KSR2: variants seen among roughly 807,000 people sequenced by gnomAD.
KSR2 encodes kinase suppressor of ras 2.
Under a neutral mutation model 107.8 loss-of-function variants are expected in KSR2, and 25 were observed. The ratio of observed to expected loss-of-function variants is 0.23; its 90% CI spans 0.17 to 0.32. The LOEUF is 0.32. KSR2 is among the 10% of genes least tolerant of loss of function. The pLI is 1.00. For synonymous variants in KSR2, 480 were observed against 507.0 expected (o/e 0.95, Z 0.71); for missense variants, 887 against 1,268.9 (o/e 0.70, Z 4.57).
chr12:117,922,771 G>T (rs1237221554), intron 1 of KSR2, among the ~76,000 whole-genome samples: 1 of 152,178 alleles, frequency 6.6e-6, no homozygotes, highest in Non-Finnish European at 1.5e-5. Context: ...GCAAGATCTT[G>T]CCCCTCATGG....
At chr12:117,553,540 T>A (rs1016572176) in intron 9 of KSR2, among the ~76,000 whole-genome samples, 1 of 152,204 alleles carries the variant, frequency 6.6e-6, no homozygotes, top group Non-Finnish European at 1.5e-5. Context: ...TCAGCTATCA[T>A]GATGTTCCTC....
intron 5 of KSR2, among the ~76,000 whole-genome samples, chr12:117,586,907 G>A (rs576351389): frequency 6.6e-6 from 1 of 152,210 alleles, no homozygotes; most frequent in African/African-American, 2.4e-5. Flanking sequence ...ATTAATGGAA[G>A]TGAATTTCAT....
intron 7 of KSR2, among the ~76,000 whole-genome samples, chr12:117,559,772 C>T (rs1428084892): frequency 6.6e-6 from 1 of 152,216 alleles, no homozygotes; most frequent in Non-Finnish European, 1.5e-5. Flanking sequence ...TCACAAATTA[C>T]TGCAGCCTGG....
chr12:117,616,161 G>GAAA (rs10632275), intron 5 of KSR2, among the ~76,000 whole-genome samples: 57 of 114,172 alleles, frequency 5.0e-4, no homozygotes, highest in East Asian at 1.4e-3. Flanking sequence ...ACCCTGTCTC[G>GAAA]AAAAAAAAAA....
rs566602177 is a variant in KSR2, at chr12:117,622,850, G to T, written c.1172-40491C>A. 2.6e-5 allele frequency among the ~76,000 whole-genome samples: 4 copies of T among 152,326 alleles called. No homozygotes were observed. In the East Asian group the frequency reaches 7.7e-4, roughly 29 times the overall value. Reference sequence around the variant, plus strand: ...TTATGTTCCATATATGGTGCTGAATGCAAGAAATATAAGAAGAAAGCATGA... The same window carrying T: ...TTATGTTCCATATATGGTGCTGAATTCAAGAAATATAAGAAGAAAGCATGA... On this transcript the variant is annotated intron_variant, in intron 5 of 19. Transcript: ENST00000339824.
At chr12:117,818,378 C>T (rs1026730443) in intron 3 of KSR2, among the ~76,000 whole-genome samples, 6 of 152,070 alleles carry the variant, frequency 3.9e-5, no homozygotes, top group African/African-American at 1.2e-4. Flanking sequence ...ACGTTGTGTG[C>T]CCTAGGGCAC....
At chr12:117,803,777 G>A (rs1014969906) in intron 3 of KSR2, among the ~76,000 whole-genome samples, 31 of 152,056 alleles carry the variant, frequency 2.0e-4, no homozygotes, top group African/African-American at 6.8e-4. Context: ...CTGTCTTTCC[G>A]GCCATGCATT....
chr12:117,554,911 C>A (rs567689312), intron 9 of KSR2, among the ~76,000 whole-genome samples: 1 of 152,172 alleles, frequency 6.6e-6, no homozygotes, highest in Admixed American at 6.5e-5. Context: ...TCCTCCCATC[C>A]GTTGTGCCTT....
chr12:117,900,053 G>A (rs1894635619), intron 1 of KSR2, among the ~76,000 whole-genome samples: 1 of 152,240 alleles, frequency 6.6e-6, no homozygotes, highest in Admixed American at 6.5e-5. Flanking sequence ...CACTTTGACT[G>A]TATCCTTGTG....
chr12:117,561,908 C>CT (rs1228591901), intron 7 of KSR2, among the ~76,000 whole-genome samples: 1 of 152,234 alleles, frequency 6.6e-6, no homozygotes, highest in Non-Finnish European at 1.5e-5. Flanking sequence ...TCATTCAACA[C>CT]TGAGTTTGGC....
chr12:117,877,955 C>T (rs1043354232), intron 1 of KSR2, among the ~76,000 whole-genome samples: 2 of 152,162 alleles, frequency 1.3e-5, no homozygotes, highest in Non-Finnish European at 2.9e-5. Flanking sequence ...CTTTGCCGCC[C>T]GGCCCTATGA....
chr12:117,529,903 C>T (rs1032193521), intron 12 of KSR2, among the ~76,000 whole-genome samples: 2 of 151,842 alleles, frequency 1.3e-5, no homozygotes, highest in Non-Finnish European at 2.9e-5. Context: ...CACCTGTAAT[C>T]CCAGCTACTC....
chr12:117,490,513 T>C (rs1451309387), intron 14 of KSR2, among the ~76,000 whole-genome samples: 1 of 152,218 alleles, frequency 6.6e-6, no homozygotes, highest in Non-Finnish European at 1.5e-5. Context: ...TGACAGATCA[T>C]AGTTTCATTG....
chr12:117,551,775 C>T (rs963027803), intron 9 of KSR2, among the ~76,000 whole-genome samples: 1 of 151,992 alleles, frequency 6.6e-6, no homozygotes, highest in Non-Finnish European at 1.5e-5. Flanking sequence ...AATAACGCAG[C>T]CCTATGATAG....
intron 3 of KSR2, among the ~76,000 whole-genome samples, chr12:117,770,783 C>T (rs1450647940): frequency 2.0e-5 from 3 of 150,794 alleles, no homozygotes; most frequent in African/African-American, 7.3e-5. Flanking sequence ...CTGGCTAACA[C>T]GGTGAAACCC....
At chr12:117,502,772 C>A (rs1175626043) in intron 14 of KSR2, among the ~76,000 whole-genome samples, 1 of 152,144 alleles carries the variant, frequency 6.6e-6, no homozygotes, top group Non-Finnish European at 1.5e-5. Context: ...AGCCCTGAGC[C>A]AGGCAATGGG....
At chr12:117,493,325 C>T (rs1025046916) in intron 14 of KSR2, among the ~76,000 whole-genome samples, 3 of 152,168 alleles carry the variant, frequency 2.0e-5, no homozygotes, top group African/African-American at 7.2e-5. Flanking sequence ...CACTCCACTG[C>T]TACAATGACT....
chr12:117,537,914 G>A (rs901893021), intron 10 of KSR2, among the ~76,000 whole-genome samples: 2 of 152,192 alleles, frequency 1.3e-5, no homozygotes, highest in Non-Finnish European at 2.9e-5. Flanking sequence ...GGGATGAAAA[G>A]AGCTGTGGTC....
chr12:117,848,622 A>C (rs775372820), intron 3 of KSR2, among the ~76,000 whole-genome samples: 1 of 152,196 alleles, frequency 6.6e-6, no homozygotes, highest in Non-Finnish European at 1.5e-5. Flanking sequence ...GGAAACAAAG[A>C]ATGAGAGTGC....
Sources: gnomAD v4.1 joint callset for allele counts (sites outside exome capture counted in the v4.1 genomes callset) on GRCh38, gnomAD v4.1.1 for gene constraint, MANE v1.5 for transcripts, NCBI Gene and HGNC (gene_info 2026-07-23, HGNC 2026-07-21) for gene names.